Variants in EGFLAM observed in about 807,000 individuals in gnomAD.
The protein encoded by EGFLAM is EGF like, fibronectin type III and laminin G domains.
A neutral mutation model predicts 113.1 loss-of-function variants in EGFLAM; 79 were observed. The observed-to-expected ratio is 0.70, with a 90% CI of 0.58 to 0.84. EGFLAM has a LOEUF of 0.84. EGFLAM is among the 40% of genes least tolerant of loss of function. The pLI, the probability that EGFLAM is intolerant of heterozygous loss-of-function variation, is 0.00. For synonymous variants in EGFLAM, 504 were observed against 487.6 expected, an observed-to-expected ratio of 1.03 and a Z score of -0.44; for missense variants, 1,265 against 1,291.6, an observed-to-expected ratio of 0.98 and a Z score of 0.32.
At chr5:38,398,349 A>G (rs1376054198) in intron 6 of EGFLAM, among the ~76,000 whole-genome samples, 2 of 143,124 alleles carry the variant, frequency 1.4e-5, no homozygotes, top group Non-Finnish European at 2.9e-5. Context: ...CAAAATAGAT[A>G]GTGTTGATTT....
intron 1 of EGFLAM, among the ~76,000 whole-genome samples, chr5:38,279,646 CAT>C (rs1230528026): frequency 2.0e-5 from 3 of 152,160 alleles, no homozygotes; most frequent in African/African-American, 7.2e-5. Context: ...TGGTCTCACT[CAT>C]ATGTGGAGTC....
intron 3 of EGFLAM, among the ~76,000 whole-genome samples, chr5:38,342,909 G>A (rs1280228813): frequency 6.6e-6 from 1 of 152,114 alleles, no homozygotes; most frequent in Non-Finnish European, 1.5e-5. Context: ...GAGTTCATGT[G>A]TTTTCTTCTG....
chr5:38,344,603 C>T (rs1385710701), intron 3 of EGFLAM, among the ~76,000 whole-genome samples: 1 of 152,024 alleles, frequency 6.6e-6, no homozygotes, highest in Admixed American at 6.6e-5. Context: ...AGGCCAGAAA[C>T]TCAAATTAAC....
intron 5 of EGFLAM, among the ~76,000 whole-genome samples, chr5:38,357,288 A>G (rs1739787835): frequency 6.6e-6 from 1 of 151,400 alleles, no homozygotes; most frequent in Non-Finnish European, 1.5e-5. Context: ...TCACCAGGCA[A>G]TGGACCCTCA....
chr5:38,453,773 A>G (rs1016398917), intron 19 of EGFLAM, among the ~76,000 whole-genome samples: 1 of 152,128 alleles, frequency 6.6e-6, no homozygotes, highest in African/African-American at 2.4e-5. Flanking sequence ...CCGAAACAGA[A>G]GCTCAGCTGT....
chr5:38,302,721 A>G (rs1758621640), intron 1 of EGFLAM, among the ~76,000 whole-genome samples: 1 of 151,940 alleles, frequency 6.6e-6, no homozygotes, highest in Non-Finnish European at 1.5e-5. Context: ...AAAAAAAAAA[A>G]AAAAAAGAAC....
chr5:38,399,278 T>TTTTTTG (rs1491327390), intron 6 of EGFLAM, among the ~76,000 whole-genome samples: 2 of 92,464 alleles, frequency 2.2e-5, no homozygotes, highest in Non-Finnish European at 4.3e-5. Context: ...TTTGTTTTCG[T>TTTTTTG]TTTTTTTTTT....
At chr5:38,403,635 C>T in intron 6 of EGFLAM, 3 of 731,098 alleles carry the variant, frequency 4.1e-6, no homozygotes, top group Non-Finnish European at 6.3e-6. Flanking sequence ...CAGGATGGAG[C>T]AGGGCAGTGT....
intron 1 of EGFLAM, among the ~76,000 whole-genome samples, chr5:38,319,083 C>G (rs1349578427): frequency 6.6e-6 from 1 of 152,148 alleles, no homozygotes; most frequent in Non-Finnish European, 1.5e-5. Flanking sequence ...ATCACCTTGG[C>G]TTTTCCCCAG....
chr5:38,269,419 A>G (rs948443409), intron 1 of EGFLAM, among the ~76,000 whole-genome samples: 47 of 152,048 alleles, frequency 3.1e-4, no homozygotes, highest in Admixed American at 5.9e-4. Context: ...GCCTTCTTTG[A>G]TGAAGATGAA....
At chr5:38,412,206 C>T (rs537604488) in intron 10 of EGFLAM, among the ~76,000 whole-genome samples, 6 of 152,188 alleles carry the variant, frequency 3.9e-5, no homozygotes, top group Non-Finnish European at 8.8e-5. Context: ...ATGCAGGTAG[C>T]GAGCACAGTA....
intron 17 of EGFLAM, among the ~76,000 whole-genome samples, chr5:38,445,289 C>G (rs1742669730): frequency 6.6e-6 from 1 of 152,126 alleles, no homozygotes; most frequent in Admixed American, 6.5e-5. Flanking sequence ...AAGTAATAAT[C>G]ATTGACAAGG....
intron 1 of EGFLAM, chr5:38,284,019 C>T (rs540075939): frequency 6.6e-6 from 1 of 152,460 alleles, no homozygotes; most frequent in Admixed American, 6.5e-5. Flanking sequence ...GGGGTGTCAG[C>T]GTAGATGTGA....
chr5:38,394,571 G>A (rs557533381), intron 6 of EGFLAM, among the ~76,000 whole-genome samples: 5 of 151,736 alleles, frequency 3.3e-5, no homozygotes, highest in African/African-American at 7.3e-5. Flanking sequence ...CACCACGCCC[G>A]GCTAATTTTT....
At chr5:38,297,137 G>C (rs926170445) in intron 1 of EGFLAM, among the ~76,000 whole-genome samples, 1 of 152,164 alleles carries the variant, frequency 6.6e-6, no homozygotes, top group African/African-American at 2.4e-5. Flanking sequence ...AAGGACATTA[G>C]TGGAAAACTG....
chr5:38,451,511 T>C (rs1466352615), intron 19 of EGFLAM, 53 bp downstream of exon 19: 1 of 1,592,522 alleles, frequency 6.3e-7, no homozygotes, highest in Non-Finnish European at 8.6e-7. Context: ...TCTCAGACAT[T>C]GCAGATCATG....
rs200484393 is a variant in EGFLAM at position 38,381,098 on chromosome 5, A to C, written c.712+10636A>C. Among the ~76,000 whole-genome samples, 34 of 152,346 alleles carry C rather than the reference A, an allele frequency of 2.2e-4. No individual in the cohort carries two copies. In the East Asian group the frequency reaches 6.6e-3, roughly 29 times the overall value. On this transcript the variant is annotated intron_variant, in intron 6 of 21. Coordinates refer to ENST00000322350, the MANE Select transcript of EGFLAM (RefSeq NM_152403.4). ...AGGTGATATCCACATACATATCCAC[A>C]CACAATTATCTTACCCATTTTCACT...
intron 1 of EGFLAM, among the ~76,000 whole-genome samples, chr5:38,297,925 C>T (rs1758484476): frequency 6.6e-6 from 1 of 152,198 alleles, no homozygotes; most frequent in African/African-American, 2.4e-5. Flanking sequence ...AGCTGGGATC[C>T]ACTCCCCATT....
At chr5:38,262,557 C>G (rs1437088279) in intron 1 of EGFLAM, among the ~76,000 whole-genome samples, 2 of 152,178 alleles carry the variant, frequency 1.3e-5, no homozygotes, top group East Asian at 1.9e-4. Flanking sequence ...TAACTTCTAT[C>G]CCTGTAGTTT....
Sources: allele counts gnomAD v4.1 joint callset (sites outside exome capture counted in the v4.1 genomes callset), GRCh38; gene constraint gnomAD v4.1.1; transcripts MANE v1.5; gene names NCBI Gene and HGNC (gene_info 2026-07-23, HGNC 2026-07-21).